The following VCAN variants were observed in gnomAD, a reference collection of about 807,000 sequenced individuals.
VCAN encodes versican.
In VCAN, 44 loss-of-function variants were observed where a neutral mutation model predicts 245.5. The ratio of observed to expected loss-of-function variants is 0.18; its 90% CI spans 0.14 to 0.23. VCAN has a LOEUF of 0.23. Among genes scored for constraint, VCAN ranks in the 10% least tolerant of loss-of-function variants. VCAN has a pLI of 1.00. For missense variants in VCAN, 3,793 were observed against 4,057.9 expected (o/e 0.93, Z 1.77); for synonymous variants, 1,413 against 1,437.0 (o/e 0.98, Z 0.38).
At chr5:83,489,447 A>G (rs1413664108) in intron 2 of VCAN, among the ~76,000 whole-genome samples, 1 of 152,216 alleles carries the variant, frequency 6.6e-6, no homozygotes, top group African/African-American at 2.4e-5. Context: ...ACAGAAACCA[A>G]CCTTTCCCCA....
At chr5:83,498,141 C>T (rs1283307260) in intron 5 of VCAN, among the ~76,000 whole-genome samples, 1 of 152,120 alleles carries the variant, frequency 6.6e-6, no homozygotes, top group African/African-American at 2.4e-5. Context: ...TGTTTTTTTA[C>T]ACAAGCTTCC....
At chr5:83,488,669 AGCACACTT>A (rs1449521031) in intron 2 of VCAN, among the ~76,000 whole-genome samples, 7 of 152,248 alleles carry the variant, frequency 4.6e-5, no homozygotes, top group African/African-American at 1.7e-4. Flanking sequence ...TATAGCTAAT[AGCACACTT>A]CACTTTGTTT....
chr5:83,572,357 G>C (rs1006596724), intron 12 of VCAN, 59 bp from the exon 13 acceptor site: 2 of 1,594,710 alleles, frequency 1.3e-6, no homozygotes, highest in Non-Finnish European at 1.7e-6. Flanking sequence ...TAATACCGTC[G>C]TTGCTCTTAC....
chr5:83,539,982 G>A lies in VCAN; in HGVS notation c.6979G>A (p.Val2327Ile), dbSNP rs1483038829. ...AGACATCTTTGAAGGTAGTGGGTCA[G>A]TAACCAGCACAACATTAATAGAAAT... ...QTDIFEGSGSVTSTTLIEILS... is the reference protein window; with the variant it reads ...QTDIFEGSGSITSTTLIEILS... The change falls in exon 8 of 15, where the codon GTA becomes ATA. Residue 2327 changes from valine to isoleucine, a missense_variant. By Grantham distance (29) the Val-to-Ile change is conservative. Coordinates refer to ENST00000265077, the MANE Select transcript of VCAN (RefSeq NM_004385.5). 6.2e-7 allele frequency: 1 copy of A among 1,614,108 alleles called. No individual in the cohort carries two copies.
intron 2 of VCAN, among the ~76,000 whole-genome samples, chr5:83,486,861 C>T (rs1289615768): frequency 6.6e-6 from 1 of 152,166 alleles, no homozygotes; most frequent in African/African-American, 2.4e-5. Flanking sequence ...ATACGATCCA[C>T]ATAAAACAGA....
intron 12 of VCAN, among the ~76,000 whole-genome samples, chr5:83,558,463 C>T (rs1018722886): frequency 2.0e-5 from 3 of 151,994 alleles, no homozygotes; most frequent in Admixed American, 6.6e-5. Flanking sequence ...AGAGCTTCTC[C>T]GTCTTGGGTG....
At chr5:83,576,212 C>T (rs1474383534) in intron 13 of VCAN, among the ~76,000 whole-genome samples, 1 of 152,080 alleles carries the variant, frequency 6.6e-6, no homozygotes, top group Non-Finnish European at 1.5e-5. Flanking sequence ...GAGATAATGA[C>T]TTAATTCCCT....
At chr5:83,523,862 C>G (rs181192310) in intron 7 of VCAN, among the ~76,000 whole-genome samples, 1 of 151,770 alleles carries the variant, frequency 6.6e-6, no homozygotes, top group East Asian at 1.9e-4. Flanking sequence ...ATGAGGATTG[C>G]GTTAGGCTGG....
intron 12 of VCAN, among the ~76,000 whole-genome samples, 174 bp from the exon 13 acceptor site, chr5:83,572,242 A>G (rs958228239): frequency 6.6e-6 from 1 of 152,216 alleles, no homozygotes; most frequent in Non-Finnish European, 1.5e-5. Flanking sequence ...TGAGACACAT[A>G]TATTTTCTAC....
chr5:83,579,764 A>C (rs769679905), intron 13 of VCAN, among the ~76,000 whole-genome samples: 76 of 152,160 alleles, frequency 5.0e-4, no homozygotes, highest in Non-Finnish European at 9.7e-4. Context: ...GTTTTAATAA[A>C]ACAAATTTCA....
chr5:83,497,330 C>T (rs1196738554), intron 5 of VCAN, among the ~76,000 whole-genome samples: 4 of 152,006 alleles, frequency 2.6e-5, no homozygotes, highest in African/African-American at 9.7e-5. Flanking sequence ...ATGTGTTTCT[C>T]TATAAAATTT....
intron 7 of VCAN, among the ~76,000 whole-genome samples, chr5:83,529,962 A>T (rs1313530574): frequency 1.3e-5 from 2 of 152,166 alleles, no homozygotes; most frequent in African/African-American, 4.8e-5. Flanking sequence ...CTTAAAATTC[A>T]AGATCATTTA....
intron 6 of VCAN, among the ~76,000 whole-genome samples, chr5:83,518,894 G>A (rs1745962820): frequency 1.3e-5 from 2 of 152,138 alleles, no homozygotes; most frequent in Non-Finnish European, 2.9e-5. Flanking sequence ...TGAAAAGAAG[G>A]GAGCATGTGG....
rs376721995 is a variant in VCAN at position 83,490,348 on chromosome 5, C to T, written c.321C>T (p.Pro107=). The change falls in exon 3 of 15, where the codon CCC becomes CCT. Residue 107 remains proline, a synonymous_variant. Coordinates refer to ENST00000265077, the MANE Select transcript of VCAN (RefSeq NM_004385.5). The part of the protein sequence containing the change: ...YKGRVSVPTH[P]EAVGDASLTV... ...GGAGAGTGTCTGTGCCCACACATCC[C>T]GAGGCTGTGGGCGATGCCTCCCTCA... 62 of 1,614,152 alleles carry T rather than the reference C, an allele frequency of 3.8e-5. No homozygotes were observed. The highest frequency in any genetic ancestry group is 8.9e-5 in the East Asian group (4 of 44,874).
Position 83,530,262 on chromosome 5 carries a change from A to T in VCAN, c.4004-6745A>T, listed in dbSNP as rs1054802515. Among the ~76,000 whole-genome samples the T allele has an allele frequency of 3.9e-5, 6 of 152,110 alleles. No homozygotes were observed. The East Asian group carries it at 1.2e-3, about 29-fold the overall frequency. Reference sequence around the variant, plus strand: ...ATAAACATCATTTTACAAATTCTTGATACATTTCCCCAGGTATTGAGCCTA... The same window carrying T: ...ATAAACATCATTTTACAAATTCTTGTTACATTTCCCCAGGTATTGAGCCTA... On this transcript the variant is annotated intron_variant, in intron 7 of 14. Transcript: ENST00000265077.
chr5:83,540,915 G>C lies in VCAN; in HGVS notation c.7912G>C (p.Gly2638Arg), dbSNP rs760916415. The C allele has an allele frequency of 1.2e-5, 20 of 1,613,864 alleles. No homozygotes were observed. The highest frequency in any genetic ancestry group is 9.9e-5 in the South Asian group (9 of 91,058). Residue 2638 changes from glycine (G) to arginine (R), a missense_variant, in exon 8 of 15, where the codon GGC becomes CGC. By Grantham distance (125) the Gly-to-Arg change is moderately radical. This residue lies in a region of VCAN where 3,182 missense variants were observed against 3,250.3 expected (regional missense o/e 0.98). Coordinates refer to ENST00000265077, the MANE Select transcript of VCAN (RefSeq NM_004385.5). ...TTCTTTAACTGAGGAAACATTTGAG[G>C]GCTCTGCTGATGTTCTGGCTAGCTA... ...NLSLTEETFE[G>R]SADVLASYTQ...
chr5:83,566,873 C>T (rs929229034), intron 12 of VCAN, among the ~76,000 whole-genome samples: 5 of 152,102 alleles, frequency 3.3e-5, no homozygotes, highest in South Asian at 4.1e-4. Context: ...ATTTAGAGTT[C>T]GATAGACTTC....
chr5:83,568,456 A>G (rs1748165098), intron 12 of VCAN, among the ~76,000 whole-genome samples: 1 of 152,198 alleles, frequency 6.6e-6, no homozygotes, highest in Non-Finnish European at 1.5e-5. Context: ...TGCAAGCCAA[A>G]TGTAATTCTC....
chr5:83,496,241 G>A (rs1016688763), intron 5 of VCAN, among the ~76,000 whole-genome samples: 1 of 152,158 alleles, frequency 6.6e-6, no homozygotes. Flanking sequence ...CTCCCATGAC[G>A]AGGGATTTAC....
Sources: gnomAD v4.1 joint callset for allele counts (sites outside exome capture counted in the v4.1 genomes callset) on GRCh38, gnomAD v4.1.1 for gene constraint, gnomAD v4.1.1 regional missense constraint, MANE v1.5 for transcripts, NCBI Gene and HGNC (gene_info 2026-07-23, HGNC 2026-07-21) for gene names.